Variants in VPS13A observed in about 807,000 individuals in gnomAD.
VPS13A encodes the protein intermembrane lipid transfer protein VPS13A.
A neutral mutation model predicts 390.9 loss-of-function variants in VPS13A; 264 were observed. The observed-to-expected ratio is 0.68, with a 90% CI of 0.61 to 0.75. The LOEUF is 0.75. Ranked by LOEUF, VPS13A falls within the 30% of genes least tolerant of loss-of-function variation. The probability of loss-of-function intolerance (pLI) is 0.00; values close to 1 mark genes in which losing one functional copy is unlikely to be tolerated. For missense variants in VPS13A, 3,409 were observed against 3,733.9 expected (o/e 0.91, Z 2.27); for synonymous variants, 1,231 against 1,227.1 (o/e 1.00, Z -0.07).
chr9:77,319,157 C>T (rs1173468644), intron 41 of VPS13A, among the ~76,000 whole-genome samples: 1 of 146,956 alleles, frequency 6.8e-6, no homozygotes, highest in Non-Finnish European at 1.5e-5. Flanking sequence ...GATCTTACCA[C>T]TGCACTCCAG....
chr9:77,241,657 G>A (rs993778486), intron 19 of VPS13A, among the ~76,000 whole-genome samples: 4 of 152,030 alleles, frequency 2.6e-5, no homozygotes, highest in African/African-American at 7.2e-5. Context: ...AATATTATTT[G>A]GGAGAATTCT....
Position 77,345,072 on chromosome 9 carries a change from T to C in VPS13A, c.7219T>C (p.Tyr2407His), listed in dbSNP as rs1373178179. The change falls in exon 52 of 72, where the codon TAT becomes CAT. Residue 2407 changes from tyrosine to histidine, a missense_variant. Transcript: ENST00000360280. The stretch of plus-strand genomic sequence containing the variant: ...TTCTACAGTTATTACATTTTTAGAT[T>C]ATCATGATGGAGCAGCTACATTCCT... ...EHSTVITFLDYHDGAATFLLI... is the reference protein window; with the variant it reads ...EHSTVITFLDHHDGAATFLLI... 1.9e-6 allele frequency: 3 copies of C among 1,613,258 alleles called. No individual in the cohort carries two copies. In the South Asian group the frequency reaches 3.3e-5, roughly 18 times the overall value.
intron 23 of VPS13A, among the ~76,000 whole-genome samples, chr9:77,261,150 C>A (rs535552239): frequency 1.3e-5 from 2 of 152,212 alleles, no homozygotes; most frequent in East Asian, 1.9e-4. Context: ...CCACCCGCCT[C>A]GGCCTTCCAA....
At chr9:77,246,433 G>A (rs1049642485) in intron 19 of VPS13A, among the ~76,000 whole-genome samples, 3 of 151,724 alleles carry the variant, frequency 2.0e-5, no homozygotes, top group Admixed American at 6.6e-5. Context: ...TAACTTTAAA[G>A]GTTATATTCA....
intron 1 of VPS13A, among the ~76,000 whole-genome samples, chr9:77,190,210 GTGTGATGTTAGC>G (rs1169265927): frequency 7.9e-5 from 12 of 152,170 alleles, no homozygotes; most frequent in African/African-American, 2.7e-4. Context: ...TGCTCATTCA[GTGTGATGTTAGC>G]TGTGGGTTTT....
At chr9:77,393,035 T>C (rs747329523) in intron 68 of VPS13A, among the ~76,000 whole-genome samples, 10 of 152,208 alleles carry the variant, frequency 6.6e-5, no homozygotes, top group Non-Finnish European at 1.3e-4. Context: ...TTACCCTCAA[T>C]AGAACTTCTT....
At chr9:77,207,240 TA>T (rs1825711464) in intron 5 of VPS13A, among the ~76,000 whole-genome samples, 3 of 114,538 alleles carry the variant, frequency 2.6e-5, no homozygotes, top group African/African-American at 9.7e-5. Flanking sequence ...TATATATATA[TA>T]TATATATATA....
chr9:77,300,986 A>G (rs529134133), intron 33 of VPS13A, among the ~76,000 whole-genome samples: 9 of 152,344 alleles, frequency 5.9e-5, no homozygotes, highest in Non-Finnish European at 7.3e-5. Flanking sequence ...GACATAATAA[A>G]CTATTAAAAT....
At chr9:77,402,045 A>C (rs1190669517) in intron 68 of VPS13A, among the ~76,000 whole-genome samples, 2 of 152,174 alleles carry the variant, frequency 1.3e-5, no homozygotes, top group South Asian at 4.1e-4. Context: ...CCCTGCAGAT[A>C]AGGGAGAACT....
chr9:77,364,735 G>A (rs1015772381), intron 59 of VPS13A, among the ~76,000 whole-genome samples: 1 of 152,096 alleles, frequency 6.6e-6, no homozygotes, highest in African/African-American at 2.4e-5. Context: ...TTAAATAGAT[G>A]TTTCTTCATT....
At chr9:77,305,215 G>T (rs1202794828) in intron 34 of VPS13A, among the ~76,000 whole-genome samples, 1 of 152,178 alleles carries the variant, frequency 6.6e-6, no homozygotes, top group African/African-American at 2.4e-5. Context: ...TGGGATTACA[G>T]GCGTGAGCCA....
intron 59 of VPS13A, 99 bp downstream of exon 59, chr9:77,360,740 A>G: frequency 2.3e-6 from 2 of 876,642 alleles, no homozygotes; most frequent in Non-Finnish European, 3.6e-6. Context: ...CATTTTAAAA[A>G]TACAATTAAA....
intron 59 of VPS13A, among the ~76,000 whole-genome samples, chr9:77,363,432 C>T (rs1247799983): frequency 1.5e-5 from 2 of 133,514 alleles, no homozygotes; most frequent in Non-Finnish European, 1.5e-5. Flanking sequence ...GACCTAGGCT[C>T]GCTCTGTCTC....
At chr9:77,297,417 C>A (rs1022824253) in intron 33 of VPS13A, among the ~76,000 whole-genome samples, 2 of 152,016 alleles carry the variant, frequency 1.3e-5, no homozygotes, top group Non-Finnish European at 2.9e-5. Flanking sequence ...CTGGGTCCCC[C>A]CTCCCTGTAC....
intron 23 of VPS13A, among the ~76,000 whole-genome samples, chr9:77,267,005 A>C (rs1239894018): frequency 6.6e-6 from 1 of 150,754 alleles, no homozygotes; most frequent in Non-Finnish European, 1.5e-5. Flanking sequence ...GTGTTTTCCC[A>C]CTCCATCAGG....
chr9:77,327,888 T>G (rs148667293), intron 45 of VPS13A, among the ~76,000 whole-genome samples: 13 of 152,260 alleles, frequency 8.5e-5, no homozygotes, highest in African/African-American at 2.9e-4. Flanking sequence ...TTAATTTTGA[T>G]ATTTTGACCT....
intron 29 of VPS13A, 102 bp from the exon 30 acceptor site, chr9:77,283,253 G>T: frequency 1.4e-6 from 1 of 704,016 alleles, no homozygotes; most frequent in East Asian, 2.6e-5. Flanking sequence ...GGTTTTCTCT[G>T]ATATCACTAT....
At chr9:77,323,353 A>G (rs1166449259) in intron 45 of VPS13A, 126 bp downstream of exon 45, 40 of 1,167,924 alleles carry the variant, frequency 3.4e-5, no homozygotes, top group Middle Eastern at 2.6e-4. Flanking sequence ...GCTGATATCA[A>G]AAAGAAGACT....
rs778434080 is a variant in VPS13A at position 77,323,169 on chromosome 9, T to A, written c.5933T>A (p.Val1978Asp). ...GAGTCTGGCGTTGAAAGATCTATTGTTTGTCAAATTGATACAGTAGAAGGA... is the reference window on the plus strand; with the variant it reads ...GAGTCTGGCGTTGAAAGATCTATTGATTGTCAAATTGATACAGTAGAAGGA... ...HRESGVERSI[V>D]CQIDTVEGSK... The change falls in exon 45 of 72, where the codon GTT (valine) becomes GAT (aspartate). Residue 1978 changes from valine (V) to aspartate (D), a missense_variant. By Grantham distance (152) the Val-to-Asp change is radical. Transcript: ENST00000360280. 4 of 1,613,462 alleles carry A rather than the reference T, an allele frequency of 2.5e-6. No individual in the cohort carries two copies. Among genetic ancestry groups the A allele is most frequent in the Non-Finnish European group, 3.4e-6 (4 of 1,179,648 alleles).
Sources: allele counts gnomAD v4.1 joint callset (sites outside exome capture counted in the v4.1 genomes callset), GRCh38; gene constraint gnomAD v4.1.1; transcripts MANE v1.5; gene names NCBI Gene and HGNC (gene_info 2026-07-23, HGNC 2026-07-21).